FERRY3: variants seen among roughly 807,000 people sequenced by gnomAD.
FERRY3 encodes the protein protein C12orf4.
At chr12:4,536,099 G>A in the FERRY3 span, 1 of 1,610,668 alleles carries the variant, frequency 6.2e-7, no homozygotes, top group Non-Finnish European at 8.5e-7. Flanking sequence ...CAGGAAATTT[G>A]AGTGGCACTC....
At chr12:4,514,679 G>T in the FERRY3 span, among the ~76,000 whole-genome samples, 5 of 148,326 alleles carry the variant, frequency 3.4e-5, no homozygotes, top group East Asian at 1.0e-3. Context: ...CTCACTCATA[G>T]GTGGGAATTG....
chr12:4,531,543 C>A, the FERRY3 span, among the ~76,000 whole-genome samples: 1 of 152,166 alleles, frequency 6.6e-6, no homozygotes, highest in Non-Finnish European at 1.5e-5. Flanking sequence ...ACCTAATTTA[C>A]GCCACTCCCT....
At chr12:4,528,580 A>G in the FERRY3 span, among the ~76,000 whole-genome samples, 1 of 152,160 alleles carries the variant, frequency 6.6e-6, no homozygotes, top group Non-Finnish European at 1.5e-5. Flanking sequence ...TCTTTTTGAC[A>G]AAGAGATCAT....
the FERRY3 span, chr12:4,500,164 G>C: frequency 1.2e-6 from 2 of 1,613,940 alleles, 1 homozygote; most frequent in Middle Eastern, 3.3e-4. Context: ...ACCAGCAAGA[G>C]AGGAATGCTT....
At chr12:4,508,834 T>A in the FERRY3 span, 1 of 151,898 alleles carries the variant, frequency 6.6e-6, no homozygotes, top group Non-Finnish European at 1.5e-5. Flanking sequence ...ATACATGAAA[T>A]ATAAGAAAAA....
the FERRY3 span, among the ~76,000 whole-genome samples, chr12:4,519,304 A>C: frequency 6.6e-6 from 1 of 151,654 alleles, no homozygotes; most frequent in Non-Finnish European, 1.5e-5. This position sits in a 1 kb window ranked among gnomAD's most constrained non-coding sequence, Gnocchi z 4.3. Flanking sequence ...AAGTCAAATA[A>C]AGTAGATAAT....
chr12:4,491,064 C>A, the FERRY3 span: 2 of 892,252 alleles, frequency 2.2e-6, no homozygotes, highest in Non-Finnish European at 3.6e-6. Flanking sequence ...AACTATCTAA[C>A]TGAGGCACTA....
At chr12:4,489,738 T>C in the FERRY3 span, 2 of 1,129,332 alleles carry the variant, frequency 1.8e-6, no homozygotes, top group East Asian at 2.4e-5. Context: ...CTTGACAGAT[T>C]CCCAGCATAG....
chr12:4,507,287 G>A, the FERRY3 span, among the ~76,000 whole-genome samples: 1 of 152,078 alleles, frequency 6.6e-6, no homozygotes, highest in Non-Finnish European at 1.5e-5. Context: ...TGCGAGGGTT[G>A]ATAAAAGTAA....
chr12:4,506,661 C>T, the FERRY3 span, among the ~76,000 whole-genome samples: 1 of 152,110 alleles, frequency 6.6e-6, no homozygotes, highest in Non-Finnish European at 1.5e-5. Context: ...GTCCATTTCC[C>T]TTTCCATGTT....
chr12:4,536,028 A>C, the FERRY3 span: 1 of 1,560,434 alleles, frequency 6.4e-7, no homozygotes, highest in Non-Finnish European at 8.6e-7. Flanking sequence ...TTTTTCTATA[A>C]AGCACGGTAA....
the FERRY3 span, chr12:4,518,686 T>C: frequency 3.1e-5 from 27 of 857,782 alleles, no homozygotes; most frequent in East Asian, 3.3e-4. Context: ...AGCGAAACCT[T>C]TTCTCTATTA....
At chr12:4,488,845 G>T in the FERRY3 span, 23 of 152,100 alleles carry the variant, frequency 1.5e-4, no homozygotes, top group Admixed American at 1.5e-3. The surrounding 1 kb of genome is among the most constrained non-coding windows in gnomAD (Gnocchi z 4.9). Flanking sequence ...ACTACTTATA[G>T]CATTTAAATA....
the FERRY3 span, among the ~76,000 whole-genome samples, chr12:4,513,585 C>T: frequency 1.2e-3 from 183 of 151,700 alleles, no homozygotes; most frequent in Non-Finnish European, 2.1e-3. Context: ...TCAGAAATAA[C>T]GCCACATATC....
the FERRY3 span, among the ~76,000 whole-genome samples, chr12:4,496,104 T>C: frequency 6.6e-6 from 1 of 152,192 alleles, no homozygotes; most frequent in Non-Finnish European, 1.5e-5. Context: ...CTGAGTTGTT[T>C]TCAAATCTTC....
chr12:4,501,837 A>G, the FERRY3 span, among the ~76,000 whole-genome samples: 1 of 152,198 alleles, frequency 6.6e-6, no homozygotes, highest in African/African-American at 2.4e-5. Context: ...GGTCTGTGGA[A>G]AACTGTCTTC....
the FERRY3 span, chr12:4,490,496 G>T: frequency 2.0e-6 from 3 of 1,528,386 alleles, no homozygotes; most frequent in Admixed American, 2.0e-5. Flanking sequence ...GATTAAATTG[G>T]GGTGAGATCT....
At chr12:4,534,055 A>G in the FERRY3 span, 6 of 1,277,068 alleles carry the variant, frequency 4.7e-6, no homozygotes, top group Non-Finnish European at 6.4e-6. Flanking sequence ...GTATGTGGAG[A>G]AAAAGGATCT....
the FERRY3 span, among the ~76,000 whole-genome samples, chr12:4,506,853 A>G: frequency 6.6e-6 from 1 of 152,222 alleles, no homozygotes; most frequent in East Asian, 1.9e-4. Flanking sequence ...AAGTAATTGC[A>G]TATCAGGATG....
Sources: gnomAD v4.1 joint callset for allele counts (sites outside exome capture counted in the v4.1 genomes callset) on GRCh38, gnomAD v4.1.1 for gene constraint, Gnocchi (gnomAD v3.1) non-coding constraint, MANE v1.5 for transcripts, NCBI Gene and HGNC (gene_info 2026-07-23, HGNC 2026-07-21) for gene names.